AP2B1: variants seen among roughly 807,000 people sequenced by gnomAD.
AP2B1 encodes AP-2 complex subunit beta.
Under a neutral mutation model 102.0 loss-of-function variants are expected in AP2B1, and 23 were observed. The observed-to-expected ratio is 0.23, with a 90% CI of 0.16 to 0.32. The LOEUF (loss-of-function observed/expected upper bound fraction) is 0.32. AP2B1 is among the 10% of genes least tolerant of loss of function. AP2B1 has a pLI of 1.00. For synonymous variants in AP2B1, 381 were observed against 421.2 expected (o/e 0.90, Z 1.17); for missense variants, 541 against 1,157.4 (o/e 0.47, Z 7.73).
At chr17:35,680,054 G>A (rs1404674507) in intron 17 of AP2B1, among the ~76,000 whole-genome samples, 1 of 151,496 alleles carries the variant, frequency 6.6e-6, no homozygotes, top group Admixed American at 6.6e-5. Flanking sequence ...AGACGCCCAC[G>A]ACCACGCCCG....
chr17:35,632,893 C>T (rs192499799), intron 9 of AP2B1, among the ~76,000 whole-genome samples: 176 of 151,710 alleles, frequency 1.2e-3, no homozygotes, highest in African/African-American at 4.2e-3. Flanking sequence ...TACAGTGGCC[C>T]ATATTCTACA....
intron 17 of AP2B1, among the ~76,000 whole-genome samples, chr17:35,682,491 C>T (rs979619536): frequency 2.7e-5 from 4 of 149,854 alleles, no homozygotes; most frequent in Non-Finnish European, 5.9e-5. Flanking sequence ...TACAGGCACC[C>T]GCCACCACGC....
chr17:35,633,741 ACCATG>A (rs777018069), intron 9 of AP2B1, among the ~76,000 whole-genome samples: 2 of 152,174 alleles, frequency 1.3e-5, no homozygotes, highest in Non-Finnish European at 2.9e-5. Context: ...TTGTCACATT[ACCATG>A]CCCAGCAACT....
At chr17:35,592,108 T>C (rs1220344595) in intron 1 of AP2B1, among the ~76,000 whole-genome samples, 1 of 151,946 alleles carries the variant, frequency 6.6e-6, no homozygotes, top group Non-Finnish European at 1.5e-5. Flanking sequence ...TTCATTATTT[T>C]ATGTTTATCT....
intron 14 of AP2B1, 104 bp downstream of exon 14, chr17:35,657,895 G>A: frequency 1.0e-6 from 1 of 984,652 alleles, no homozygotes; most frequent in South Asian, 1.7e-5. Flanking sequence ...TCCTTGATGA[G>A]CAGTAGTGTC....
At chr17:35,703,256 C>T (rs1317475622) in intron 18 of AP2B1, among the ~76,000 whole-genome samples, 6 of 113,880 alleles carry the variant, frequency 5.3e-5, no homozygotes, top group Non-Finnish European at 1.0e-4. Context: ...CAGAGCCAGA[C>T]TCCATCTCAA....
intron 17 of AP2B1, among the ~76,000 whole-genome samples, chr17:35,676,565 T>G (rs1301574507): frequency 6.6e-6 from 1 of 152,210 alleles, no homozygotes; most frequent in East Asian, 1.9e-4. Context: ...AAAGTTGCCA[T>G]GAACATTTGT....
At chr17:35,678,473 G>C (rs1386752177) in intron 17 of AP2B1, among the ~76,000 whole-genome samples, 1 of 152,170 alleles carries the variant, frequency 6.6e-6, no homozygotes, top group Non-Finnish European at 1.5e-5. Context: ...GAAGCATTCA[G>C]TCTTTCATCA....
chr17:35,679,494 T>C (rs2075772175), intron 17 of AP2B1, among the ~76,000 whole-genome samples: 1 of 152,084 alleles, frequency 6.6e-6, no homozygotes, highest in Non-Finnish European at 1.5e-5. Context: ...GTGGTCAGTC[T>C]CTAAGACCTA....
intron 5 of AP2B1, chr17:35,621,340 C>T: frequency 1.0e-6 from 1 of 985,244 alleles, no homozygotes; most frequent in Non-Finnish European, 1.2e-6. Context: ...GCTTACGGAC[C>T]AGGAAAACTG....
chr17:35,620,711 G>A (rs1055872952), intron 5 of AP2B1, among the ~76,000 whole-genome samples: 6 of 152,100 alleles, frequency 3.9e-5, no homozygotes, highest in Non-Finnish European at 8.8e-5. Context: ...TGGCTACTCA[G>A]GAGGCTGAGG....
chr17:35,644,982 A>G (rs1219014212), intron 12 of AP2B1, among the ~76,000 whole-genome samples: 1 of 151,814 alleles, frequency 6.6e-6, no homozygotes, highest in Non-Finnish European at 1.5e-5. Context: ...CAGTGAGCTG[A>G]GATCATGCCA....
At position 35,714,700 on chromosome 17, in the gene AP2B1, A is replaced by AC. The variant is rs2076517727; in HGVS notation, c.2627-2494dup. Among the ~76,000 whole-genome samples the AC allele has an allele frequency of 3.3e-5, 5 of 152,072 alleles. No homozygotes were observed. In the South Asian group the frequency reaches 1.0e-3, roughly 32 times the overall value. On this transcript the variant is annotated intron_variant, in intron 20 of 21. Transcript: ENST00000610402. ...ACTCCAGTCTGGGCAACAAAGAAAG[A>AC]CTCTGTCGAGAGAGAGAGAGAAAGC...
intron 7 of AP2B1, among the ~76,000 whole-genome samples, 195 bp downstream of exon 7, chr17:35,627,037 C>T (rs758852529): frequency 3.5e-4 from 54 of 152,188 alleles, no homozygotes; most frequent in Middle Eastern, 3.4e-3. Context: ...AAATGCCATG[C>T]GTTGCTCCAC....
chr17:35,710,401 C>G, intron 20 of AP2B1, 81 bp downstream of exon 20: 1 of 927,170 alleles, frequency 1.1e-6, no homozygotes, highest in Non-Finnish European at 1.7e-6. Flanking sequence ...CTTTTGCCTA[C>G]CCTTTTATCC....
At chr17:35,682,212 A>G (rs976235379) in intron 17 of AP2B1, among the ~76,000 whole-genome samples, 1 of 151,788 alleles carries the variant, frequency 6.6e-6, no homozygotes, top group African/African-American at 2.4e-5. Context: ...CTGAGCTGAA[A>G]TCATGCCACT....
intron 14 of AP2B1, among the ~76,000 whole-genome samples, chr17:35,663,092 A>G (rs1433385225): frequency 6.6e-6 from 1 of 152,186 alleles, no homozygotes; most frequent in Non-Finnish European, 1.5e-5. Flanking sequence ...CCCACAGGAA[A>G]TCCATCATCT....
chr17:35,700,061 A>T (rs1568013868), intron 18 of AP2B1, among the ~76,000 whole-genome samples: 1 of 151,970 alleles, frequency 6.6e-6, no homozygotes, highest in Non-Finnish European at 1.5e-5. Context: ...ATGCCTCCAC[A>T]CTCCAGCCTG....
chr17:35,667,678 A>T (rs80218467), intron 14 of AP2B1, among the ~76,000 whole-genome samples: 2 of 152,136 alleles, frequency 1.3e-5, no homozygotes, highest in African/African-American at 4.8e-5. Context: ...TCTTTTCTCA[A>T]TGCCTTTTAT....
Sources: gnomAD v4.1 joint callset for allele counts (sites outside exome capture counted in the v4.1 genomes callset) on GRCh38, gnomAD v4.1.1 for gene constraint, MANE v1.5 for transcripts, NCBI Gene and HGNC (gene_info 2026-07-23, HGNC 2026-07-21) for gene names.